The following CAMK2G variants were observed in gnomAD, a reference collection of about 807,000 sequenced individuals.
CAMK2G encodes the protein calcium/calmodulin-dependent protein kinase type II subunit gamma.
In CAMK2G, 23 loss-of-function variants were observed where a neutral mutation model predicts 88.7. The ratio of observed to expected loss-of-function variants is 0.26; its 90% CI spans 0.19 to 0.37. The LOEUF is 0.37. CAMK2G is among the 10% of genes least tolerant of loss of function. The pLI is 1.00. For synonymous variants in CAMK2G, 263 were observed against 294.8 expected (o/e 0.89, Z 1.11); for missense variants, 476 against 780.8 (o/e 0.61, Z 4.65).
chr10:73,817,187 G>C, intron 20 of CAMK2G, 70 bp from the exon 21 acceptor site: 2 of 1,541,728 alleles, frequency 1.3e-6, no homozygotes, highest in Admixed American at 4.2e-5. Context: ...CCTTATCAGC[G>C]GTGTCTATCC....
At chr10:73,852,176 T>C (rs990770837) in intron 5 of CAMK2G, 78 bp downstream of exon 5, 3 of 1,034,886 alleles carry the variant, frequency 2.9e-6, no homozygotes, top group African/African-American at 1.6e-5. Context: ...GGTACAATGC[T>C]GGACCCCGAA....
rs968408996 is a variant in CAMK2G, at chr10:73,837,392, G to C, written c.1053+76C>G. The C allele has an allele frequency of 4.4e-5, 50 of 1,132,556 alleles. No individual in the cohort carries two copies. The Admixed American group carries it at 8.4e-4, about 19-fold the overall frequency. 70.2% of individuals were successfully genotyped at this position (1,132,556 alleles called of 1,614,324 possible). A position where few individuals can be genotyped will look rare whatever the true frequency, so the allele number is the denominator to read the frequency against. On this transcript the variant is annotated intron_variant, in intron 14 of 22. Transcript: ENST00000423381. ...ATAGGAAGATTCCCTGGGAAAGGGG[G>C]AACCAGGTGCCAAGAATTCCCATAG... is the stretch of plus-strand genomic sequence containing the variant.
At chr10:73,851,162 A>C (rs1029320784) in intron 5 of CAMK2G, among the ~76,000 whole-genome samples, 1 of 152,250 alleles carries the variant, frequency 6.6e-6, no homozygotes, top group Non-Finnish European at 1.5e-5. Flanking sequence ...CTCAAGGTTG[A>C]GAAATTCGTG....
At chr10:73,844,526 G>C (rs1342313996) in intron 10 of CAMK2G, among the ~76,000 whole-genome samples, 1 of 152,138 alleles carries the variant, frequency 6.6e-6, no homozygotes, top group Admixed American at 6.6e-5. Flanking sequence ...TCATGCCTCA[G>C]CCTCCCAAGT....
chr10:73,832,967 CT>C lies in CAMK2G; in HGVS notation c.1053+4500del, dbSNP rs755852421. ...CTCCAATCTTTTTTTTCTTCTCTCT[CT>C]TTTTTTTTTTTTTTTAAACAGAGCC... On this transcript the variant is annotated intron_variant, in intron 14 of 22. Coordinates refer to ENST00000423381, the MANE Select transcript of CAMK2G (RefSeq NM_001367534.1). 6.1e-3 allele frequency among the ~76,000 whole-genome samples: 587 copies of C among 96,158 alleles called. 5 individuals are homozygous for C. The East Asian group carries it at 0.14, about 23-fold the overall frequency. 63.1% of individuals were successfully genotyped at this position (96,158 alleles called of 152,430 possible). A position where few individuals can be genotyped will look rare whatever the true frequency, so the allele number is the denominator to read the frequency against.
chr10:73,868,349 A>C (rs2095668176), intron 2 of CAMK2G, among the ~76,000 whole-genome samples: 1 of 152,118 alleles, frequency 6.6e-6, no homozygotes, highest in African/African-American at 2.4e-5. Context: ...CAGCACCCCA[A>C]GTCACTCTAG....
chr10:73,828,086 C>T lies in CAMK2G; in HGVS notation c.1086+3G>A. The T allele has an allele frequency of 6.2e-7, 1 of 1,613,318 alleles. No individual in the cohort carries two copies. Among genetic ancestry groups the T allele is most frequent in the Non-Finnish European group, 8.5e-7 (1 of 1,179,244 alleles). On this transcript the variant is annotated splice_donor_region_variant and intron_variant, in intron 15 of 22. Coordinates refer to ENST00000423381, the MANE Select transcript of CAMK2G (RefSeq NM_001367534.1). ...GGGCGATGGGTGGGCAGGCAAGGCT[C>T]ACCATTAGGTGCACGCTGGAACTCG...
chr10:73,828,562 G>C (rs949956738), intron 14 of CAMK2G, among the ~76,000 whole-genome samples: 5 of 152,192 alleles, frequency 3.3e-5, no homozygotes, highest in Non-Finnish European at 7.3e-5. Flanking sequence ...AAAAGCAAAA[G>C]CTACTACAGG....
At position 73,842,968 on chromosome 10, in the gene CAMK2G, AG is replaced by A. The variant is rs1003907754; in HGVS notation, c.820-428del. ...CTACAGAGGACATTCCTTCCTTCCA[AG>A]AGCCCCTCTCCACACACCCCCAGCA... On this transcript the variant is annotated intron_variant, in intron 10 of 22. Transcript: ENST00000423381. This position sits in a 1 kb window ranked among gnomAD's most constrained non-coding sequence, Gnocchi z 4.6. Among the ~76,000 whole-genome samples the A allele has an allele frequency of 4.6e-5, 7 of 152,148 alleles. No homozygotes were observed. Among genetic ancestry groups the A allele is most frequent in the African/African-American group, 1.7e-4 (7 of 41,440 alleles).
intron 15 of CAMK2G, among the ~76,000 whole-genome samples, chr10:73,825,666 ATCT>A (rs1282826401): frequency 2.0e-5 from 3 of 152,158 alleles, no homozygotes. Context: ...GAAGTTCAAG[ATCT>A]TCTTCCCACT....
In CAMK2G at chr10:73,837,191, C is replaced by T. The variant is rs949364071; in HGVS notation, c.1053+277G>A. ...AGTCAAGCCCTGGAGATGAAGCATC[C>T]GTGTAGAAGTCAGGTTCCGGATTCA... On this transcript the variant is annotated intron_variant, in intron 14 of 22. Transcript: ENST00000423381. 9.1e-6 allele frequency: 4 copies of T among 440,256 alleles called. No homozygotes were observed. In the South Asian group the frequency reaches 1.0e-4, roughly 11 times the overall value. 27.3% of individuals were successfully genotyped at this position (440,256 alleles called of 1,614,324 possible).
chr10:73,831,620 C>T (rs1027946748), intron 14 of CAMK2G, among the ~76,000 whole-genome samples: 2 of 151,120 alleles, frequency 1.3e-5, no homozygotes, highest in Non-Finnish European at 2.9e-5. Context: ...CTGTAACCCC[C>T]GCACTTCAGG....
rs1413485627 is a variant in CAMK2G, at chr10:73,817,133, A to C, written c.1440-16T>G. On this transcript the variant is annotated splice_polypyrimidine_tract_variant and intron_variant, in intron 20 of 22. Coordinates refer to ENST00000423381, the MANE Select transcript of CAMK2G (RefSeq NM_001367534.1). ...ACAAATCTTCCTACAGGGAGAAAAA[A>C]AAAAGCAGCCTATCAGGCTTCTATG... The C allele has an allele frequency of 1.3e-6, 2 of 1,589,150 alleles. No individual in the cohort carries two copies. The highest frequency in any genetic ancestry group is 1.7e-6 in the Non-Finnish European group (2 of 1,171,920).
rs539462231 is a variant in CAMK2G at position 73,813,997 on chromosome 10, C to G, written c.*521G>C. 2 of 152,720 alleles carry G rather than the reference C, an allele frequency of 1.3e-5. No individual in the cohort carries two copies. Among genetic ancestry groups the G allele is most frequent in the African/African-American group, 4.8e-5 (2 of 41,554 alleles). 9.5% of individuals were successfully genotyped at this position (152,720 alleles called of 1,614,324 possible). A position where few individuals can be genotyped will look rare whatever the true frequency, so the allele number is the denominator to read the frequency against. On this transcript the variant is annotated 3_prime_UTR_variant, in exon 23 of 23. Coordinates refer to ENST00000423381, the MANE Select transcript of CAMK2G (RefSeq NM_001367534.1). The stretch of plus-strand genomic sequence containing the variant: ...TTCTCATCAGCCCCATTCTAGGCGC[C>G]TATGCAAGTTCCAAAGAAGTTCATT...
intron 14 of CAMK2G, among the ~76,000 whole-genome samples, chr10:73,833,374 G>A (rs182749776): frequency 6.6e-6 from 1 of 152,214 alleles, no homozygotes; most frequent in Non-Finnish European, 1.5e-5. Context: ...AGAATTAACA[G>A]GGTAAAAAGA....
chr10:73,830,594 G>A (rs920702493), intron 14 of CAMK2G, among the ~76,000 whole-genome samples: 3 of 152,106 alleles, frequency 2.0e-5, no homozygotes, highest in African/African-American at 4.8e-5. Flanking sequence ...ATAACCTTTC[G>A]TTTTTCTTGC....
In CAMK2G at chr10:73,874,454, G is replaced by A. The variant is rs772922778; in HGVS notation, c.8C>T (p.Thr3Ile). The part of the protein sequence containing the change: MA[T>I]TATCTRFTDD... Reference sequence around the variant, plus strand: ...GGTGAAACGGGTGCAGGTGGCGGTGGTGGCCATGCTGGCGGGCGGGCGGAC... The same window carrying A: ...GGTGAAACGGGTGCAGGTGGCGGTGATGGCCATGCTGGCGGGCGGGCGGAC... The change falls in exon 1 of 23, where the codon ACC becomes ATC. Residue 3 changes from threonine to isoleucine, a missense_variant. By Grantham distance (89) the Thr-to-Ile change is moderately conservative. This residue lies in a region of CAMK2G where 34 missense variants were observed against 28.7 expected (regional missense o/e 1.19). Transcript: ENST00000423381. The A allele has an allele frequency of 3.3e-6, 5 of 1,519,138 alleles. No homozygotes were observed. Among genetic ancestry groups the A allele is most frequent in the Admixed American group, 1.8e-5 (1 of 54,204 alleles). The allele number at this position is 1,519,138 out of a possible 1,614,324, so 94.1% of individuals were successfully genotyped here.
Position 73,815,187 on chromosome 10 carries a change from A to C in CAMK2G, c.1595T>G (p.Ile532Ser). The C allele has an allele frequency of 6.2e-7, 1 of 1,614,228 alleles. No individual in the cohort carries two copies. Among genetic ancestry groups the C allele is most frequent in the Non-Finnish European group, 8.5e-7 (1 of 1,180,030 alleles). Residue 532 changes from isoleucine (I) to serine (S), a missense_variant, in exon 22 of 23, where the codon ATT becomes AGT. Transcript: ENST00000423381. ...TTILNPHVHV[I>S]GEDAACIAYI... is the part of the protein sequence containing the mutation. ...GGCGATGCACGCTGCGTCCTCCCCA[A>C]TCACGTGGACGTGTGGGTTTAGGAT...
chr10:73,816,055 GAAGT>G (rs1176267957), intron 21 of CAMK2G: 7 of 985,310 alleles, frequency 7.1e-6, no homozygotes, highest in African/African-American at 1.7e-5. Flanking sequence ...AGCCAGCGGA[GAAGT>G]TAGTGACTAA....
Sources: gnomAD v4.1 joint callset for allele counts (sites outside exome capture counted in the v4.1 genomes callset) on GRCh38, gnomAD v4.1.1 for gene constraint, gnomAD v4.1.1 regional missense constraint, Gnocchi (gnomAD v3.1) non-coding constraint, MANE v1.5 for transcripts, NCBI Gene and HGNC (gene_info 2026-07-23, HGNC 2026-07-21) for gene names.